Variants in PDE1A observed in about 807,000 individuals in gnomAD.
The protein encoded by PDE1A is phosphodiesterase 1A, also known as dual specificity calcium/calmodulin-dependent 3',5'-cyclic nucleotide phosphodiesterase 1A.
In PDE1A, 35 loss-of-function variants were observed where a neutral mutation model predicts 61.7. That is an observed-to-expected ratio of 0.57 (90% CI 0.43 to 0.75). The LOEUF (loss-of-function observed/expected upper bound fraction) is 0.75. PDE1A is among the 30% of genes least tolerant of loss of function. The pLI, the probability that PDE1A is intolerant of heterozygous loss-of-function variation, is 0.00. For missense variants in PDE1A, 597 were observed against 630.6 expected (o/e 0.95, Z 0.57); for synonymous variants, 232 against 213.2 (o/e 1.09, Z -0.77).
the PDE1A span, among the ~76,000 whole-genome samples, chr2:182,683,179 GC>G: frequency 1.2e-4 from 18 of 147,900 alleles, no homozygotes; most frequent in Non-Finnish European, 1.8e-4. Context: ...TGCAACCTCC[GC>G]CCCCCAGGTT....
chr2:182,197,277 T>C (rs546622492), intron 10 of PDE1A, among the ~76,000 whole-genome samples: 1 of 151,966 alleles, frequency 6.6e-6, no homozygotes, highest in African/African-American at 2.4e-5. Flanking sequence ...TATTGATTTG[T>C]TGGAGTTCTA....
intron 2 of PDE1A, among the ~76,000 whole-genome samples, chr2:182,446,349 C>G (rs928460411): frequency 1.3e-5 from 2 of 152,042 alleles, no homozygotes; most frequent in South Asian, 2.1e-4. Flanking sequence ...CAAAGATAAA[C>G]TTATCTTAGC....
At chr2:182,187,348 G>A (rs1685296281) in intron 11 of PDE1A, among the ~76,000 whole-genome samples, 1 of 152,180 alleles carries the variant, frequency 6.6e-6, no homozygotes. Context: ...TCCATCCCAT[G>A]TTTAGGCAGA....
intron 2 of PDE1A, among the ~76,000 whole-genome samples, chr2:182,449,465 A>C (rs960863856): frequency 6.6e-5 from 10 of 151,616 alleles, no homozygotes; most frequent in Non-Finnish European, 1.2e-4. Flanking sequence ...TATAAGAATA[A>C]CCTCCCTCAC....
chr2:182,572,071 T>G, the PDE1A span, among the ~76,000 whole-genome samples: 2 of 152,188 alleles, frequency 1.3e-5, no homozygotes, highest in African/African-American at 2.4e-5. Context: ...AGACTTTTTT[T>G]GGGTGGTTTT....
At chr2:182,705,477 A>C in the PDE1A span, among the ~76,000 whole-genome samples, 7 of 152,158 alleles carry the variant, frequency 4.6e-5, no homozygotes, top group Non-Finnish European at 8.8e-5. Flanking sequence ...TCTTTGGGCT[A>C]TAAATTAATC....
the PDE1A span, among the ~76,000 whole-genome samples, chr2:182,653,814 C>T: frequency 6.6e-6 from 1 of 152,142 alleles, no homozygotes; most frequent in Non-Finnish European, 1.5e-5. Context: ...CCTCTGCCAT[C>T]ATTGCTACTC....
the PDE1A span, among the ~76,000 whole-genome samples, chr2:182,597,454 G>A: frequency 1.3e-5 from 2 of 152,160 alleles, no homozygotes; most frequent in East Asian, 3.9e-4. Context: ...GCCAGCGCTT[G>A]CAGGCTATTG....
chr2:182,567,381 T>A, the PDE1A span, among the ~76,000 whole-genome samples: 1 of 152,250 alleles, frequency 6.6e-6, no homozygotes, highest in Admixed American at 6.5e-5. Flanking sequence ...ACTATTCATT[T>A]ACTTTTCTGG....
intron 1 of PDE1A, among the ~76,000 whole-genome samples, chr2:182,290,191 C>G (rs75470352): frequency 1.7e-3 from 261 of 152,126 alleles, no homozygotes; most frequent in African/African-American, 6.0e-3. Context: ...TATTCTATAG[C>G]CTTTTTTGTC....
chr2:182,436,784 A>G (rs1684451172), intron 2 of PDE1A, among the ~76,000 whole-genome samples: 1 of 151,982 alleles, frequency 6.6e-6, no homozygotes, highest in African/African-American at 2.4e-5. Flanking sequence ...GAAAAGTTAT[A>G]TAATTTGCCA....
intron 13 of PDE1A, among the ~76,000 whole-genome samples, chr2:182,155,029 T>C (rs1173658551): frequency 6.0e-5 from 9 of 149,234 alleles, no homozygotes; most frequent in Admixed American, 5.4e-4. Context: ...ATTGTTCTCT[T>C]TTTTTTTTAA....
intron 13 of PDE1A, among the ~76,000 whole-genome samples, chr2:182,155,103 T>A (rs967158766): frequency 1.3e-5 from 2 of 149,560 alleles, no homozygotes; most frequent in African/African-American, 4.9e-5. Flanking sequence ...TTTTTTTTTT[T>A]AAGAGAGGGT....
the PDE1A span, among the ~76,000 whole-genome samples, chr2:182,636,883 A>G: frequency 6.6e-6 from 1 of 152,162 alleles, no homozygotes; most frequent in Non-Finnish European, 1.5e-5. Context: ...GGCTGTCAGC[A>G]GGGGGCTGGT....
At chr2:182,206,190 T>C (rs1687086615) in intron 7 of PDE1A, 125 bp from the exon 8 acceptor site, 5 of 578,588 alleles carry the variant, frequency 8.6e-6, no homozygotes, top group South Asian at 1.0e-4. Context: ...GTGAGAATTA[T>C]GGAAGTACTT....
intron 1 of PDE1A, among the ~76,000 whole-genome samples, chr2:182,317,361 C>T (rs1696402021): frequency 6.6e-6 from 1 of 151,912 alleles, no homozygotes; most frequent in African/African-American, 2.4e-5. Context: ...CCATCATCCA[C>T]CTTAAAGGAC....
the PDE1A span, among the ~76,000 whole-genome samples, chr2:182,615,406 A>G: frequency 6.6e-6 from 1 of 152,228 alleles, no homozygotes; most frequent in African/African-American, 2.4e-5. Context: ...TTTATATCTT[A>G]TTAGAACAAT....
chr2:182,494,145 T>C (rs752372686), intron 2 of PDE1A, among the ~76,000 whole-genome samples: 2 of 152,218 alleles, frequency 1.3e-5, no homozygotes, highest in Non-Finnish European at 2.9e-5. Flanking sequence ...CTGAGTCATT[T>C]ATTATAATTT....
chr2:182,195,397 G>T (rs1479060660), intron 10 of PDE1A, among the ~76,000 whole-genome samples: 3 of 152,052 alleles, frequency 2.0e-5, no homozygotes, highest in Non-Finnish European at 4.4e-5. Context: ...GGAAGGGGAA[G>T]ACTCATGTCT....
Sources: gnomAD v4.1 joint callset for allele counts (sites outside exome capture counted in the v4.1 genomes callset) on GRCh38, gnomAD v4.1.1 for gene constraint, MANE v1.5 for transcripts, NCBI Gene and HGNC (gene_info 2026-07-23, HGNC 2026-07-21) for gene names.